The following PTPRD variants were observed in gnomAD, a reference collection of about 807,000 sequenced individuals.
PTPRD encodes receptor-type tyrosine-protein phosphatase delta.
PTPRD carries 34 observed loss-of-function variants against 214.5 expected under a neutral mutation model. That is an observed-to-expected ratio of 0.16 (90% CI 0.12 to 0.21). The LOEUF is 0.21. PTPRD is among the 10% of genes least tolerant of loss of function. PTPRD has a pLI of 1.00. For synonymous variants in PTPRD, 1,128 were observed against 845.7 expected (o/e 1.33, Z -5.79); for missense variants, 2,545 against 2,398.7 (o/e 1.06, Z -1.27).
At chr9:9,387,528 G>C (rs548848367) in intron 9 of PTPRD, among the ~76,000 whole-genome samples, 1 of 152,050 alleles carries the variant, frequency 6.6e-6, no homozygotes, top group Non-Finnish European at 1.5e-5. Flanking sequence ...ACTGAATATA[G>C]GATTCTTGGC....
intron 2 of PTPRD, among the ~76,000 whole-genome samples, chr9:10,557,867 T>G (rs1007948457): frequency 2.6e-5 from 4 of 152,158 alleles, no homozygotes; most frequent in Non-Finnish European, 5.9e-5. Context: ...CTAAGAAGCA[T>G]GTAAATGTTT....
chr9:10,459,297 A>G (rs78089259), intron 2 of PTPRD, among the ~76,000 whole-genome samples: 1 of 152,076 alleles, frequency 6.6e-6, no homozygotes, highest in Admixed American at 6.5e-5. Flanking sequence ...CCAATGTATT[A>G]TTGATGGGCA....
chr9:10,428,323 T>C (rs959275543), intron 2 of PTPRD, among the ~76,000 whole-genome samples: 3 of 151,996 alleles, frequency 2.0e-5, no homozygotes, highest in African/African-American at 4.8e-5. Flanking sequence ...AAAAAAATCA[T>C]ATTGCAGAAT....
At chr9:10,498,693 A>T (rs552386238) in intron 2 of PTPRD, among the ~76,000 whole-genome samples, 1 of 152,102 alleles carries the variant, frequency 6.6e-6, no homozygotes, top group African/African-American at 2.4e-5. Context: ...ATAAATAGCA[A>T]TTAAGGTAAA....
At position 9,674,768 on chromosome 9, in the gene PTPRD, C is replaced by A. The variant is rs137921688; in HGVS notation, c.-287+59765G>T. Among the ~76,000 whole-genome samples the A allele has an allele frequency of 5.4e-3, 825 of 151,878 alleles. 8 individuals carry two copies. The highest frequency in any genetic ancestry group is 0.019 in the African/African-American group (792 of 41,500). ...TGATTTACTGGGAAGATGTACAATT[C>A]TCAACATATATTTCAAATAAAAAGA... is the stretch of plus-strand genomic sequence containing the variant. On this transcript the variant is annotated intron_variant, in intron 7 of 45. Transcript: ENST00000381196.
intron 3 of PTPRD, among the ~76,000 whole-genome samples, chr9:10,336,403 G>A (rs1009315239): frequency 8.2e-4 from 124 of 151,520 alleles, no homozygotes; most frequent in African/African-American, 2.8e-3. Context: ...GAGGATTATG[G>A]GTGGGAGTTT....
At chr9:8,625,013 A>G (rs750678832) in intron 14 of PTPRD, among the ~76,000 whole-genome samples, 2 of 151,836 alleles carry the variant, frequency 1.3e-5, no homozygotes, top group Non-Finnish European at 2.9e-5. Flanking sequence ...GTACCTGTTC[A>G]TGCCACAAAT....
chr9:9,794,195 G>A (rs1297058301), intron 5 of PTPRD, among the ~76,000 whole-genome samples: 1 of 147,348 alleles, frequency 6.8e-6, no homozygotes, highest in Non-Finnish European at 1.5e-5. Context: ...ACATATGTGT[G>A]TGTGTGTATA....
intron 6 of PTPRD, among the ~76,000 whole-genome samples, chr9:9,758,560 G>C (rs1312679534): frequency 6.6e-6 from 1 of 152,184 alleles, no homozygotes; most frequent in Non-Finnish European, 1.5e-5. Context: ...TAAAGCCAAA[G>C]ATAGAACAGT....
intron 3 of PTPRD, among the ~76,000 whole-genome samples, chr9:10,214,325 G>A (rs549410736): frequency 3.9e-5 from 6 of 152,012 alleles, no homozygotes; most frequent in Admixed American, 1.3e-4. Flanking sequence ...CGCCCAGGCT[G>A]GAGTATAATG....
At chr9:10,214,439 T>C (rs1012065600) in intron 3 of PTPRD, among the ~76,000 whole-genome samples, 4 of 151,258 alleles carry the variant, frequency 2.6e-5, no homozygotes, top group Admixed American at 6.6e-5. Context: ...ATTTTTTTTT[T>C]TTTTTTTTTG....
Position 8,397,326 on chromosome 9 carries a change from C to T in PTPRD, c.4210+7211G>A, listed in dbSNP as rs895327926. Among the ~76,000 whole-genome samples the T allele has an allele frequency of 2.0e-5, 3 of 152,102 alleles. No homozygotes were observed. In the East Asian group the frequency reaches 5.8e-4, roughly 29 times the overall value. The stretch of plus-strand genomic sequence containing the variant: ...ATGGGAAGGAGCACACAGCAACTAT[C>T]AAAGGACTTCTTTATTGGGTGAAAT... On this transcript the variant is annotated intron_variant, in intron 36 of 45. Transcript: ENST00000381196.
intron 3 of PTPRD, among the ~76,000 whole-genome samples, chr9:10,121,884 C>CA: frequency 6.6e-6 from 1 of 152,292 alleles, no homozygotes; most frequent in East Asian, 1.9e-4. Context: ...AAAGAATCCC[C>CA]ACTCTGACTT....
At chr9:9,356,786 A>T (rs562205287) in intron 9 of PTPRD, among the ~76,000 whole-genome samples, 100 of 151,562 alleles carry the variant, frequency 6.6e-4, no homozygotes, top group Middle Eastern at 3.4e-3. Flanking sequence ...ATTATGAAAA[A>T]GAAATACATT....
chr9:9,111,254 T>C (rs892972416), intron 10 of PTPRD, among the ~76,000 whole-genome samples: 5 of 127,788 alleles, frequency 3.9e-5, no homozygotes, highest in Non-Finnish European at 7.7e-5. Flanking sequence ...GGAAATACCT[T>C]TTTTTTTTTT....
At chr9:9,313,278 T>C (rs1960210982) in intron 9 of PTPRD, among the ~76,000 whole-genome samples, 1 of 152,154 alleles carries the variant, frequency 6.6e-6, no homozygotes, top group African/African-American at 2.4e-5. Context: ...ATAAATGTGT[T>C]GAAATATGTA....
intron 34 of PTPRD, among the ~76,000 whole-genome samples, chr9:8,449,014 T>G (rs528576691): frequency 1.3e-5 from 2 of 152,346 alleles, no homozygotes; most frequent in Admixed American, 6.5e-5. Context: ...GGTATAAACA[T>G]GCTTTAGTTG....
chr9:10,513,807 G>T (rs1291883128), intron 2 of PTPRD, among the ~76,000 whole-genome samples: 1 of 152,102 alleles, frequency 6.6e-6, no homozygotes, highest in Non-Finnish European at 1.5e-5. Context: ...TTTTAAAACT[G>T]TGTCAAATCA....
rs1555449230 is a variant in PTPRD, at chr9:9,998,129, A to ATATAT, written c.-472+35588_-472+35589insATATA. Among the ~76,000 whole-genome samples, 737 of 91,444 alleles carry ATATAT rather than the reference A, an allele frequency of 8.1e-3. 20 individuals carry two copies. The highest frequency in any genetic ancestry group is 0.037 in the Middle Eastern group (6 of 160). 60.0% of individuals were successfully genotyped at this position (91,444 alleles called of 152,430 possible). A position where few individuals can be genotyped will look rare whatever the true frequency, so the allele number is the denominator to read the frequency against. On this transcript the variant is annotated intron_variant, in intron 4 of 45. Coordinates refer to ENST00000381196, the MANE Select transcript of PTPRD (RefSeq NM_002839.4). The stretch of plus-strand genomic sequence containing the variant: ...TTAAAGTATAATAAAAAAAAAAAAA[A>ATATAT]ATATATATATATATATAAAAGAAGA...
Sources: gnomAD v4.1 joint callset for allele counts (sites outside exome capture counted in the v4.1 genomes callset) on GRCh38, gnomAD v4.1.1 for gene constraint, MANE v1.5 for transcripts, NCBI Gene and HGNC (gene_info 2026-07-23, HGNC 2026-07-21) for gene names.